The following SNX18 variants were observed in gnomAD, a reference collection of about 807,000 sequenced individuals.
The protein encoded by SNX18 is sorting nexin-18.
In SNX18, 35 loss-of-function variants were observed where a neutral mutation model predicts 48.7. That is an observed-to-expected ratio of 0.72 (90% confidence interval 0.55 to 0.95). The LOEUF (loss-of-function observed/expected upper bound fraction) is 0.95. Among genes scored for constraint, SNX18 ranks in the 40% least tolerant of loss-of-function variants. The pLI, the probability that SNX18 is intolerant of heterozygous loss-of-function variation, is 0.00. For missense variants in SNX18, 824 were observed against 871.0 expected (o/e 0.95, Z 0.68); for synonymous variants, 492 against 384.7 (o/e 1.28, Z -3.26).
the SNX18 span, among the ~76,000 whole-genome samples, chr5:54,596,144 C>T: frequency 6.6e-6 from 1 of 152,170 alleles, no homozygotes. Context: ...TGGAGAGAAC[C>T]ATTCCAGAGT....
At chr5:54,597,399 T>C in the SNX18 span, among the ~76,000 whole-genome samples, 2 of 152,122 alleles carry the variant, frequency 1.3e-5, no homozygotes, top group East Asian at 3.9e-4. Flanking sequence ...CTGATAGATA[T>C]CTACACCTAC....
chr5:54,634,107 TG>T, the SNX18 span, among the ~76,000 whole-genome samples: 609 of 152,310 alleles, frequency 4.0e-3, 4 homozygotes, highest in African/African-American at 0.014. Context: ...TGTTGGTCCT[TG>T]GGAACTAACA....
chr5:54,542,852 G>A (rs1762497268), intron 1 of SNX18, among the ~76,000 whole-genome samples: 1 of 152,088 alleles, frequency 6.6e-6, no homozygotes, highest in African/African-American at 2.4e-5. Context: ...TTCTTGTTGT[G>A]TCTTTTTAAG....
the SNX18 span, among the ~76,000 whole-genome samples, chr5:54,615,296 C>T: frequency 2.6e-5 from 4 of 152,078 alleles, no homozygotes; most frequent in Non-Finnish European, 4.4e-5. Flanking sequence ...AGCTACAATT[C>T]TAGCCTGTCT....
intron 1 of SNX18, among the ~76,000 whole-genome samples, chr5:54,523,933 G>A (rs945131956): frequency 6.6e-6 from 1 of 152,190 alleles, no homozygotes; most frequent in East Asian, 1.9e-4. Flanking sequence ...GTGGTGCCAG[G>A]AATACAGAGA....
the SNX18 span, among the ~76,000 whole-genome samples, chr5:54,640,934 C>T: frequency 1.3e-5 from 2 of 152,116 alleles, no homozygotes; most frequent in African/African-American, 4.8e-5. Context: ...GTGGCACATG[C>T]CTGTAGTCCC....
the SNX18 span, among the ~76,000 whole-genome samples, chr5:54,564,576 G>T: frequency 6.6e-6 from 1 of 152,196 alleles, no homozygotes; most frequent in Non-Finnish European, 1.5e-5. Flanking sequence ...ATGTTGTTAG[G>T]CTGGGCGCAG....
At chr5:54,606,683 G>T in the SNX18 span, among the ~76,000 whole-genome samples, 11 of 152,176 alleles carry the variant, frequency 7.2e-5, no homozygotes, top group Admixed American at 5.9e-4. Context: ...GAAATCAGAC[G>T]GCTAGATCTC....
chr5:54,641,059 C>A, the SNX18 span, among the ~76,000 whole-genome samples: 2 of 151,790 alleles, frequency 1.3e-5, no homozygotes, highest in African/African-American at 4.8e-5. Flanking sequence ...GAATCTGTCT[C>A]ATAAAAAGAA....
intron 1 of SNX18, among the ~76,000 whole-genome samples, chr5:54,538,962 C>T (rs907791756): frequency 6.6e-6 from 1 of 152,164 alleles, no homozygotes; most frequent in African/African-American, 2.4e-5. Flanking sequence ...TTACACGTAG[C>T]TCTCCTTACT....
the SNX18 span, among the ~76,000 whole-genome samples, chr5:54,567,213 A>ATGTGTGTG: frequency 1.3e-5 from 2 of 150,226 alleles, no homozygotes; most frequent in African/African-American, 4.9e-5. Flanking sequence ...GTGTGTGTGT[A>ATGTGTGTG]TGTGTGTGTG....
the SNX18 span, among the ~76,000 whole-genome samples, chr5:54,555,852 A>G: frequency 1.3e-5 from 2 of 152,054 alleles, no homozygotes; most frequent in Non-Finnish European, 2.9e-5. Context: ...AAAAAAGAAT[A>G]AAGAAAAAAA....
In SNX18 at chr5:54,517,811, A is replaced by C; in HGVS notation, c.-142A>C. On this transcript the variant is annotated 5_prime_UTR_variant, in exon 1 of 2. Transcript: ENST00000381410. ...CGAGCGGAGCCGCGCGGAGGGCGCG[A>C]CCGGCTGGTCCGGGCAGCGTGGGTT... 2.5e-6 allele frequency: 2 copies of C among 811,074 alleles called. No individual in the cohort carries two copies. Among genetic ancestry groups the C allele is most frequent in the East Asian group, 3.7e-5 (1 of 27,166 alleles). The allele number at this position is 811,074 out of a possible 1,614,324, so 50.2% of individuals were successfully genotyped here.
At chr5:54,620,310 G>A in the SNX18 span, among the ~76,000 whole-genome samples, 1 of 152,120 alleles carries the variant, frequency 6.6e-6, no homozygotes, top group African/African-American at 2.4e-5. Flanking sequence ...GGGGAAGGAA[G>A]CAGCTACCAG....
chr5:54,598,728 T>TA, the SNX18 span, among the ~76,000 whole-genome samples: 3 of 152,080 alleles, frequency 2.0e-5, no homozygotes, highest in Non-Finnish European at 4.4e-5. Context: ...TGAAGGAACA[T>TA]ACCTCAAACG....
intron 1 of SNX18, among the ~76,000 whole-genome samples, chr5:54,524,936 C>T (rs1580096095): frequency 6.6e-6 from 1 of 152,186 alleles, no homozygotes; most frequent in East Asian, 1.9e-4. Context: ...GGAGTTGCAC[C>T]AAGGGGTGGG....
At chr5:54,635,484 C>T in the SNX18 span, among the ~76,000 whole-genome samples, 1 of 152,158 alleles carries the variant, frequency 6.6e-6, no homozygotes, top group East Asian at 1.9e-4. Context: ...AGGAGTGGCA[C>T]CATTTTCCCT....
the SNX18 span, among the ~76,000 whole-genome samples, chr5:54,574,765 G>A: frequency 7.2e-5 from 11 of 152,162 alleles, no homozygotes; most frequent in East Asian, 1.9e-4. Flanking sequence ...GTGTAGGGGC[G>A]GGTAAGGGTG....
At chr5:54,590,741 T>C in the SNX18 span, among the ~76,000 whole-genome samples, 1 of 152,208 alleles carries the variant, frequency 6.6e-6, no homozygotes, top group Non-Finnish European at 1.5e-5. Context: ...CCAAGCCCTT[T>C]TTTCTCAGAC....
Sources: gnomAD v4.1 joint callset for allele counts (sites outside exome capture counted in the v4.1 genomes callset) on GRCh38, gnomAD v4.1.1 for gene constraint, MANE v1.5 for transcripts, NCBI Gene and HGNC (gene_info 2026-07-23, HGNC 2026-07-21) for gene names.